Variants in ASMTL observed in about 807,000 individuals in gnomAD.
ASMTL encodes the protein probable bifunctional dTTP/UTP pyrophosphatase/methyltransferase protein.
ASMTL carries 57 observed loss-of-function variants against 60.3 expected under a neutral mutation model. The ratio of observed to expected loss-of-function variants is 0.95; its 90% CI spans 0.76 to 1.18. ASMTL has a LOEUF of 1.18. Among genes scored for constraint, ASMTL ranks in the 50% most tolerant of loss-of-function variants. The pLI is 0.00. For synonymous variants in ASMTL, 419 were observed against 373.0 expected (o/e 1.12, Z -1.42); for missense variants, 981 against 852.6 (o/e 1.15, Z -1.88).
intron 1 of ASMTL, among the ~76,000 whole-genome samples, chrX:1,448,342 C>A (rs1310810528): frequency 1.3e-5 from 2 of 149,956 alleles, no homozygotes; most frequent in Admixed American, 1.3e-4. Flanking sequence ...GGGACACACA[C>A]TGCCATCTTG....
At position 1,425,654 on chromosome X, in the gene ASMTL, C is replaced by G. The variant is rs779211999; in HGVS notation, c.931G>C (p.Asp311His). ...TGGGGTGCTTCATCTTTTAACAAAT[C>G]GAACACCTTCAGTTTGCAAGCGGTG... ...LLTACKLKVF[D>H]LLKDEAPQKA... The change falls in exon 8 of 13, where the codon GAT becomes CAT. Residue 311 changes from aspartate to histidine, a missense_variant. Physicochemically the swap from Asp to His is moderately conservative, Grantham distance 81 (BLOSUM62 -1). Transcript: ENST00000381317. 1.7e-5 allele frequency: 28 copies of G among 1,613,572 alleles called. No homozygotes were observed. Among genetic ancestry groups the G allele is most frequent in the Non-Finnish European group, 2.3e-5 (27 of 1,179,800 alleles).
Position 1,421,651 on chromosome X carries a change from A to G in ASMTL, c.1245+7T>C, listed in dbSNP as rs773248249. 4.3e-6 allele frequency: 7 copies of G among 1,613,714 alleles called. No homozygotes were observed. The highest frequency in any genetic ancestry group is 1.7e-5 in the Admixed American group (1 of 59,966). ...ACGGAAAGGTGTCCGCGGGGGTGTT[A>G]TGCTACCTGGAACAGATCTTCCGCC... On this transcript the variant is annotated splice_region_variant and intron_variant, in intron 9 of 12. Coordinates refer to ENST00000381317, the MANE Select transcript of ASMTL (RefSeq NM_004192.4).
chrX:1,419,053 G>C lies in ASMTL; in HGVS notation c.1307C>G (p.Thr436Arg). Residue 436 changes from threonine to arginine, a missense_variant, in exon 10 of 13, where the codon ACG (threonine) becomes AGG (arginine). Physicochemically the swap from Thr to Arg is moderately conservative, Grantham distance 71. Coordinates refer to ENST00000381317, the MANE Select transcript of ASMTL (RefSeq NM_004192.4). ...LRFMRAMHGM[T>R]KLTACQVATA... ...GGCCACCTGGCACGCAGTCAGCTTC[G>C]TCATGCCGTGCATGGCCCGCATGAA... The C allele has an allele frequency of 6.2e-7, 1 of 1,611,440 alleles. No homozygotes were observed. Among genetic ancestry groups the C allele is most frequent in the Non-Finnish European group, 8.5e-7 (1 of 1,179,604 alleles).
upstream of ASMTL, chrX:1,453,494 G>A (rs2091447256): frequency 1.3e-5 from 2 of 156,442 alleles, no homozygotes; most frequent in African/African-American, 4.8e-5. Flanking sequence ...GGCAGCTGCG[G>A]GGTCCCGGGG....
chrX:1,434,528 G>C (rs28685047), intron 5 of ASMTL, among the ~76,000 whole-genome samples: 24,024 of 149,292 alleles, frequency 0.16, 2,102 homozygotes, highest in African/African-American at 0.22. Context: ...GAAAGGCCGG[G>C]TGCAGTAGCT....
At chrX:1,443,642 A>G (rs867953475) in intron 1 of ASMTL, among the ~76,000 whole-genome samples, 181 of 2,146 alleles carry the variant, frequency 0.084, 8 homozygotes, top group African/African-American at 0.11. Flanking sequence ...GTGGACAGAC[A>G]CCGCCATCAT....
chrX:1,412,948 A>G (rs1253016795), intron 11 of ASMTL, 94 bp from the exon 12 acceptor site: 6 of 1,390,582 alleles, frequency 4.3e-6, no homozygotes, highest in Non-Finnish European at 5.1e-6. Flanking sequence ...ATCCTAAATC[A>G]GGGACAGAGA....
At chrX:1,438,045 G>T (rs1457350319) in intron 3 of ASMTL, among the ~76,000 whole-genome samples, 11 of 151,526 alleles carry the variant, frequency 7.3e-5, no homozygotes, top group Admixed American at 1.3e-4. Flanking sequence ...TCCCAGCACT[G>T]TGGGAGGCTA....
chrX:1,452,618 C>T, intron 1 of ASMTL, 130 bp downstream of exon 1: 3 of 723,878 alleles, frequency 4.1e-6, no homozygotes, highest in South Asian at 3.7e-5. Flanking sequence ...GGGACACTCT[C>T]CCCTCCCCCA....
At chrX:1,411,806 C>CTTTTTTTTTTTTT (rs756437483) in intron 12 of ASMTL, among the ~76,000 whole-genome samples, 4 of 86,144 alleles carry the variant, frequency 4.6e-5, no homozygotes, top group Non-Finnish European at 6.3e-5. Flanking sequence ...TTAGGATTTT[C>CTTTTTTTTTTTTT]TTTTTTTTTT....
rs766272917 is a variant in ASMTL, at chrX:1,442,154, T to C, written c.225+32A>G. The stretch of plus-strand genomic sequence containing the variant: ...ATCCCCTCATCACAGCAAAGGAATT[T>C]TCATAAGGGCCGAAGGGCAGGGGCC... On this transcript the variant is annotated intron_variant, in intron 2 of 12. Coordinates refer to ENST00000381317, the MANE Select transcript of ASMTL (RefSeq NM_004192.4). The C allele has an allele frequency of 1.9e-6, 3 of 1,606,620 alleles. No homozygotes were observed. In the South Asian group the frequency reaches 3.3e-5, roughly 18 times the overall value.
intron 1 of ASMTL, 107 bp downstream of exon 1, chrX:1,452,641 T>A: frequency 1.1e-6 from 1 of 904,560 alleles, no homozygotes; most frequent in African/African-American, 1.7e-5. Context: ...CCTAAGGGTC[T>A]CGGGTCACTC....
At chrX:1,432,473 A>G in intron 5 of ASMTL, 96 bp from the exon 6 acceptor site, 2 of 856,344 alleles carry the variant, frequency 2.3e-6, no homozygotes, top group Non-Finnish European at 3.9e-6. Context: ...TGTGTACTCG[A>G]GCGCAGCGCA....
In ASMTL at chrX:1,443,950, T is replaced by C. The variant is rs750873849; in HGVS notation, c.94-1633A>G. ...AGACACCCCCGTCTTGGACAGACAC[T>C]GCCATGTTGGACACACACTTCCATT... is the stretch of plus-strand genomic sequence containing the variant. On this transcript the variant is annotated intron_variant, in intron 1 of 12. Coordinates refer to ENST00000381317, the MANE Select transcript of ASMTL (RefSeq NM_004192.4). 7.2e-5 allele frequency among the ~76,000 whole-genome samples: 11 copies of C among 152,308 alleles called. No individual in the cohort carries two copies. In the South Asian group the frequency reaches 1.5e-3, roughly 20 times the overall value.
intron 11 of ASMTL, among the ~76,000 whole-genome samples, chrX:1,417,704 A>G (rs1384282623): frequency 3.3e-5 from 5 of 149,934 alleles, no homozygotes; most frequent in African/African-American, 4.9e-5. Flanking sequence ...AGAGACGTGC[A>G]CACACATGCG....
At chrX:1,445,567 G>A (rs2091213755) in intron 1 of ASMTL, among the ~76,000 whole-genome samples, 1 of 152,050 alleles carries the variant, frequency 6.6e-6, no homozygotes, top group South Asian at 2.1e-4. Context: ...CCTATACTCA[G>A]GCTATCTTCT....
intron 12 of ASMTL, among the ~76,000 whole-genome samples, chrX:1,411,609 C>T (rs1351784112): frequency 3.4e-4 from 13 of 38,490 alleles, no homozygotes; most frequent in Admixed American, 2.9e-3. Flanking sequence ...CGTAGAAACA[C>T]ACAGATTAGA....
chrX:1,437,424 G>A (rs760353299), intron 3 of ASMTL, among the ~76,000 whole-genome samples: 1 of 150,864 alleles, frequency 6.6e-6, no homozygotes, highest in Non-Finnish European at 1.5e-5. Context: ...AGATCCAGGT[G>A]TGGGCAGGGC....
intron 11 of ASMTL, among the ~76,000 whole-genome samples, chrX:1,415,394 T>C (rs1391401772): frequency 2.6e-5 from 4 of 151,296 alleles, no homozygotes; most frequent in African/African-American, 9.8e-5. Flanking sequence ...CCCTCACGTC[T>C]CGGCTACTTG....
Sources: allele counts gnomAD v4.1 joint callset (sites outside exome capture counted in the v4.1 genomes callset), GRCh38; gene constraint gnomAD v4.1.1; transcripts MANE v1.5; gene names NCBI Gene and HGNC (gene_info 2026-07-23, HGNC 2026-07-21).